The following GPR89B variants were observed in gnomAD, a reference collection of about 807,000 sequenced individuals.
GPR89B encodes the protein golgi pH regulator B, also known as G protein-coupled receptor 89B.
A neutral mutation model predicts 52.4 loss-of-function variants in GPR89B; 25 were observed. The observed-to-expected ratio is 0.48, with a 90% confidence interval of 0.35 to 0.67. The LOEUF (loss-of-function observed/expected upper bound fraction) is 0.67. GPR89B is among the 30% of genes least tolerant of loss of function. The probability of loss-of-function intolerance (pLI) is 0.01; values close to 1 mark genes in which losing one functional copy is unlikely to be tolerated. For missense variants in GPR89B, 146 were observed against 450.2 expected (o/e 0.32, Z 6.11); for synonymous variants, 52 against 151.2 (o/e 0.34, Z 4.81).
intron 7 of GPR89B, among the ~76,000 whole-genome samples, chr1:147,958,564 C>T (rs1371763079): frequency 7.1e-6 from 1 of 140,892 alleles, no homozygotes. Context: ...CGCTTGAACC[C>T]GGGAGGCAGA....
Position 147,968,924 on chromosome 1 carries a change from G to A in GPR89B, c.777G>A (p.Arg259=). The A allele has an allele frequency of 6.2e-7, 1 of 1,612,150 alleles. No individual in the cohort carries two copies. The highest frequency in any genetic ancestry group is 8.5e-7 in the Non-Finnish European group (1 of 1,179,206). Reference sequence around the variant, plus strand: ...TGGATGCTTTGGAAGAATTAAGCAGGCAGCTTTTTCTGGAAACAGCTGATC... The same window carrying A: ...TGGATGCTTTGGAAGAATTAAGCAGACAGCTTTTTCTGGAAACAGCTGATC... ...QEVDALEELS[R]QLFLETADLY... is the part of the protein sequence containing the mutation. The change falls in exon 9 of 14, where the codon AGG becomes AGA. Residue 259 remains arginine, a synonymous_variant. Coordinates refer to ENST00000314163, the MANE Select transcript of GPR89B (RefSeq NM_016334.5).
rs1659214825 is a variant in GPR89B at position 147,993,516 on chromosome 1, A to C, written c.*599A>C. 5.9e-6 allele frequency: 1 copy of C among 169,408 alleles called. No individual in the cohort carries two copies. The highest frequency in any genetic ancestry group is 1.4e-4 in the South Asian group (1 of 7,400). The allele number at this position is 169,408 out of a possible 1,614,324, so 10.5% of individuals were successfully genotyped here. On this transcript the variant is annotated 3_prime_UTR_variant, in exon 14 of 14. Transcript: ENST00000314163. ...GTATGCACCTGAAATAGATTTTACC[A>C]AAAGAGAGATTTCAGTTATGTCATT...
intron 1 of GPR89B, among the ~76,000 whole-genome samples, chr1:147,931,201 G>T (rs1369523672): frequency 4.0e-5 from 6 of 151,856 alleles, no homozygotes; most frequent in African/African-American, 1.5e-4. Flanking sequence ...CAAGAAAGGT[G>T]TCTTTTATAG....
intron 7 of GPR89B, among the ~76,000 whole-genome samples, chr1:147,962,953 G>GAA (rs1165697890): frequency 3.4e-5 from 3 of 88,066 alleles, no homozygotes; most frequent in African/African-American, 7.9e-5. Context: ...AAAACTTTCA[G>GAA]AAAAAAAAAA....
intron 1 of GPR89B, among the ~76,000 whole-genome samples, chr1:147,933,692 A>G (rs1474801165): frequency 1.3e-5 from 2 of 150,388 alleles, no homozygotes; most frequent in Non-Finnish European, 3.0e-5. Flanking sequence ...CTCCCTGTTG[A>G]TTTTACCTTC....
At chr1:148,018,965 CTATTAT>C in the GPR89B span, among the ~76,000 whole-genome samples, 1 of 150,204 alleles carries the variant, frequency 6.7e-6, no homozygotes, top group Non-Finnish European at 1.5e-5. Flanking sequence ...TGCACCCAGC[CTATTAT>C]TATTATTATT....
chr1:147,972,072 A>C (rs1657515267), intron 10 of GPR89B, among the ~76,000 whole-genome samples: 1 of 151,656 alleles, frequency 6.6e-6, no homozygotes, highest in Admixed American at 6.6e-5. Context: ...AGAATCCTAC[A>C]GTATGTATCC....
At chr1:147,997,149 C>A (rs1484963734), downstream of GPR89B, among the ~76,000 whole-genome samples, 1 of 152,140 alleles carries the variant, frequency 6.6e-6, no homozygotes, top group African/African-American at 2.4e-5. Context: ...AGAGTACATT[C>A]TTCTGGCTTT....
intron 10 of GPR89B, among the ~76,000 whole-genome samples, chr1:147,981,125 G>A (rs1658215453): frequency 1.3e-5 from 2 of 150,642 alleles, no homozygotes; most frequent in Non-Finnish European, 2.9e-5. Context: ...ACTGTACCCA[G>A]CCCTAGCATA....
the GPR89B span, among the ~76,000 whole-genome samples, chr1:148,020,955 T>C: frequency 6.6e-6 from 1 of 151,746 alleles, no homozygotes; most frequent in African/African-American, 2.4e-5. Flanking sequence ...CCCAAAGTGG[T>C]GGGATTACAG....
the GPR89B span, among the ~76,000 whole-genome samples, chr1:148,013,971 C>T: frequency 0.12 from 18,252 of 151,438 alleles, 1,414 homozygotes; most frequent in African/African-American, 0.2. Flanking sequence ...CAGGAGCAGC[C>T]GCCTTGTTCC....
At chr1:147,969,114 A>G in intron 9 of GPR89B, 151 bp downstream of exon 9, 2 of 582,280 alleles carry the variant, frequency 3.4e-6, no homozygotes, top group Non-Finnish European at 2.9e-6. Flanking sequence ...AGGGATCTTC[A>G]CTCTTCATGA....
At chr1:147,942,292 C>A in intron 3 of GPR89B, among the ~76,000 whole-genome samples, 1 of 145,288 alleles carries the variant, frequency 6.9e-6, no homozygotes. Context: ...ATGGCTATAA[C>A]CAAAAAAAAA....
At chr1:147,973,342 T>C (rs1657611896) in intron 10 of GPR89B, among the ~76,000 whole-genome samples, 1 of 152,152 alleles carries the variant, frequency 6.6e-6, no homozygotes, top group Non-Finnish European at 1.5e-5. Flanking sequence ...GACTTTTTAA[T>C]AATTGCCATT....
At chr1:147,985,546 A>G (rs1658602601) in intron 10 of GPR89B, among the ~76,000 whole-genome samples, 4 of 151,740 alleles carry the variant, frequency 2.6e-5, no homozygotes. Flanking sequence ...TCATTTGTGT[A>G]TTGTCTGTGG....
At chr1:147,989,376 C>T (rs1203689167) in intron 12 of GPR89B, among the ~76,000 whole-genome samples, 4 of 151,392 alleles carry the variant, frequency 2.6e-5, no homozygotes, top group African/African-American at 7.3e-5. Context: ...TCTCAGTTTC[C>T]AAGATCCTAT....
intron 7 of GPR89B, among the ~76,000 whole-genome samples, chr1:147,966,007 C>CAGCTAATTT (rs1182520379): frequency 1.3e-5 from 2 of 151,588 alleles, no homozygotes; most frequent in African/African-American, 4.9e-5. Flanking sequence ...TCACCACGCC[C>CAGCTAATTT]AGCTAATTTT....
chr1:147,976,960 C>A (rs1307597585), intron 10 of GPR89B, among the ~76,000 whole-genome samples: 1 of 151,650 alleles, frequency 6.6e-6, no homozygotes, highest in African/African-American at 2.4e-5. Context: ...TTGAGCTGGG[C>A]GTGGTGGCTC....
At chr1:147,959,678 A>T (rs1348524643) in intron 7 of GPR89B, among the ~76,000 whole-genome samples, 3 of 152,018 alleles carry the variant, frequency 2.0e-5, no homozygotes, top group Non-Finnish European at 4.4e-5. Flanking sequence ...CTCAGTATAA[A>T]CCCTTCCCAA....
Sources: gnomAD v4.1 joint callset for allele counts (sites outside exome capture counted in the v4.1 genomes callset) on GRCh38, gnomAD v4.1.1 for gene constraint, MANE v1.5 for transcripts, NCBI Gene and HGNC (gene_info 2026-07-23, HGNC 2026-07-21) for gene names.